Variants in DEK observed in about 807,000 individuals in gnomAD.
DEK encodes the protein DEK proto-oncogene, also known as protein DEK.
Under a neutral mutation model 46.8 loss-of-function variants are expected in DEK, and 28 were observed. The ratio of observed to expected loss-of-function variants is 0.60; its 90% CI spans 0.44 to 0.82. The LOEUF (loss-of-function observed/expected upper bound fraction) is 0.82, where lower values mean the gene tolerates loss of function less well. DEK is among the 40% of genes least tolerant of loss of function. The pLI is 0.00. For missense variants in DEK, 416 were observed against 430.6 expected, an observed-to-expected ratio of 0.97 and a Z score of 0.30; for synonymous variants, 160 against 144.5, an observed-to-expected ratio of 1.11 and a Z score of -0.77.
chr6:18,255,076 G>C (rs1162832960), intron 6 of DEK, among the ~76,000 whole-genome samples: 2 of 152,114 alleles, frequency 1.3e-5, no homozygotes, highest in African/African-American at 2.4e-5. Flanking sequence ...TTTGCTGACA[G>C]ACCTAAATCA....
At chr6:18,248,910 C>CA (rs1791240098) in intron 7 of DEK, among the ~76,000 whole-genome samples, 2 of 152,144 alleles carry the variant, frequency 1.3e-5, no homozygotes, top group Non-Finnish European at 2.9e-5. Flanking sequence ...GTTGATTACC[C>CA]AATCTATAGA....
intron 9 of DEK, among the ~76,000 whole-genome samples, chr6:18,226,971 A>G (rs977439809): frequency 1.3e-5 from 2 of 152,150 alleles, no homozygotes; most frequent in Non-Finnish European, 2.9e-5. Flanking sequence ...GCTTGAAGGC[A>G]GCATGCTCGT....
chr6:18,225,037 T>C lies in DEK; in HGVS notation c.*682A>G, dbSNP rs778803288. On this transcript the variant is annotated 3_prime_UTR_variant, in exon 11 of 11. Coordinates refer to ENST00000652689, the MANE Select transcript of DEK (RefSeq NM_003472.4). ...TGTTTGGCTGAACACTGACATTCCATAGTCTACAACTATAAAGATACCTAC... is the reference window on the plus strand; with the variant it reads ...TGTTTGGCTGAACACTGACATTCCACAGTCTACAACTATAAAGATACCTAC... 3 of 215,768 alleles carry C rather than the reference T, an allele frequency of 1.4e-5. No homozygotes were observed. The highest frequency in any genetic ancestry group is 2.3e-5 in the African/African-American group (1 of 44,366). 13.4% of individuals were successfully genotyped at this position (215,768 alleles called of 1,614,324 possible).
At chr6:18,245,533 G>A (rs1204400576) in intron 7 of DEK, among the ~76,000 whole-genome samples, 5 of 151,208 alleles carry the variant, frequency 3.3e-5, no homozygotes, top group Non-Finnish European at 7.4e-5. Context: ...ATACGTATGC[G>A]CTATAAAAAC....
At position 18,224,822 on chromosome 6, in the gene DEK, CT is replaced by C; in HGVS notation, c.*896del. The C allele has an allele frequency of 4.7e-6, 1 of 211,710 alleles. No individual in the cohort carries two copies. The allele number at this position is 211,710 out of a possible 1,614,324, so 13.1% of individuals were successfully genotyped here. On this transcript the variant is annotated 3_prime_UTR_variant, in exon 11 of 11. Transcript: ENST00000652689. The stretch of plus-strand genomic sequence containing the variant: ...AAATGTGCTTGTACTTAATCCCACC[CT>C]TTCCCAAAGTTTTTGAAGCTTTGAT...
intron 8 of DEK, chr6:18,237,163 A>G: frequency 8.2e-5 from 24 of 294,340 alleles, no homozygotes; most frequent in East Asian, 1.3e-4. Flanking sequence ...TCCCCAAGAT[A>G]TCTCTCTCTC....
At position 18,225,241 on chromosome 6, in the gene DEK, A is replaced by G. The variant is rs188856111; in HGVS notation, c.*478T>C. 3.9e-5 allele frequency: 9 copies of G among 229,828 alleles called. No homozygotes were observed. Among genetic ancestry groups the G allele is most frequent in the Admixed American group, 1.1e-4 (2 of 17,678 alleles). The allele number at this position is 229,828 out of a possible 1,614,324, so 14.2% of individuals were successfully genotyped here. A position where few individuals can be genotyped will look rare whatever the true frequency, so the allele number is the denominator to read the frequency against. On this transcript the variant is annotated 3_prime_UTR_variant, in exon 11 of 11. Transcript: ENST00000652689. ...TGATCTGGACAACTGTAGCTTGTATATTTTTAATATGATGGACACACTGCC... is the reference window on the plus strand; with the variant it reads ...TGATCTGGACAACTGTAGCTTGTATGTTTTTAATATGATGGACACACTGCC...
intron 7 of DEK, among the ~76,000 whole-genome samples, chr6:18,246,737 T>C (rs1791134374): frequency 6.6e-6 from 1 of 152,184 alleles, no homozygotes. Context: ...GCATAAGATT[T>C]CTTACTTCAA....
At chr6:18,233,167 G>T (rs1447620460) in intron 9 of DEK, among the ~76,000 whole-genome samples, 4 of 152,134 alleles carry the variant, frequency 2.6e-5, no homozygotes, top group East Asian at 1.9e-4. Flanking sequence ...GCTGAAACTG[G>T]ATCGCTTCTT....
At chr6:18,227,695 C>A (rs573267589) in intron 9 of DEK, among the ~76,000 whole-genome samples, 4 of 152,304 alleles carry the variant, frequency 2.6e-5, no homozygotes, top group African/African-American at 9.6e-5. Flanking sequence ...CCCACCCCTT[C>A]AACAGAGCAA....
intron 9 of DEK, among the ~76,000 whole-genome samples, chr6:18,230,896 C>G (rs1457637907): frequency 6.6e-6 from 1 of 152,184 alleles, no homozygotes; most frequent in African/African-American, 2.4e-5. Context: ...ATCTACAGAA[C>G]TCTCCACCCC....
At chr6:18,248,221 T>C (rs901996603) in intron 7 of DEK, among the ~76,000 whole-genome samples, 13 of 152,182 alleles carry the variant, frequency 8.5e-5, no homozygotes, top group South Asian at 2.1e-4. Context: ...CTTATACTAA[T>C]ACAGTAATAA....
chr6:18,233,582 C>G (rs570508919), intron 9 of DEK, among the ~76,000 whole-genome samples: 4 of 152,236 alleles, frequency 2.6e-5, no homozygotes, highest in Non-Finnish European at 5.9e-5. Context: ...ATGCAGCCAA[C>G]AGACACATGA....
chr6:18,239,359 T>TC (rs1790809187), intron 7 of DEK, among the ~76,000 whole-genome samples: 1 of 144,686 alleles, frequency 6.9e-6, no homozygotes, highest in Non-Finnish European at 1.5e-5. Context: ...TTTTTTTTTT[T>TC]TTAAAAAAAA....
chr6:18,263,387 T>C (rs1392377316), intron 2 of DEK, among the ~76,000 whole-genome samples: 1 of 152,154 alleles, frequency 6.6e-6, no homozygotes, highest in Admixed American at 6.5e-5. Context: ...TACTTCCGGG[T>C]CTAGCCTTAT....
At position 18,236,369 on chromosome 6, in the gene DEK, G is replaced by C. The variant is rs369124617; in HGVS notation, c.1047+83C>G. The C allele has an allele frequency of 1.4e-4, 209 of 1,444,176 alleles. 1 individual carries two copies. The African/African-American group carries it at 2.6e-3, about 18-fold the overall frequency. 89.5% of individuals were successfully genotyped at this position (1,444,176 alleles called of 1,614,324 possible). On this transcript the variant is annotated intron_variant, in intron 9 of 10. Transcript: ENST00000652689. ...ATCTTTCTTCAATAAGTGAATGCAC[G>C]TAAGTATTTAGCTTCAAATTCAGAG...
intron 7 of DEK, among the ~76,000 whole-genome samples, chr6:18,242,224 G>A (rs965987734): frequency 6.6e-6 from 1 of 152,180 alleles, no homozygotes; most frequent in African/African-American, 2.4e-5. Context: ...TTAGTCAGGC[G>A]TGGTGGCATG....
At chr6:18,255,096 G>C (rs909765192) in intron 6 of DEK, among the ~76,000 whole-genome samples, 1 of 152,060 alleles carries the variant, frequency 6.6e-6, no homozygotes, top group Non-Finnish European at 1.5e-5. Context: ...ACACTAAAAA[G>C]GCAAGGTCAT....
chr6:18,225,737 TGAAAG>T lies in DEK; in HGVS notation c.1117-12_1117-8del. On this transcript the variant is annotated splice_region_variant and splice_polypyrimidine_tract_variant and intron_variant, in intron 10 of 10. Coordinates refer to ENST00000652689, the MANE Select transcript of DEK (RefSeq NM_003472.4). ...CTCTATCTCAAGAAATTAGCTGTAA[TGAAAG>T]AGAAACATTATTTTGCCATAAATCA... 3 of 1,613,336 alleles carry T rather than the reference TGAAAG, an allele frequency of 1.9e-6. No homozygotes were observed. Among genetic ancestry groups the T allele is most frequent in the Non-Finnish European group, 2.5e-6 (3 of 1,179,632 alleles).
Sources: allele counts gnomAD v4.1 joint callset (sites outside exome capture counted in the v4.1 genomes callset), GRCh38; gene constraint gnomAD v4.1.1; transcripts MANE v1.5; gene names NCBI Gene and HGNC (gene_info 2026-07-23, HGNC 2026-07-21).